Variants in GALNT13 observed in about 807,000 individuals in gnomAD.
The protein encoded by GALNT13 is polypeptide N-acetylgalactosaminyltransferase 13, also known as UDP-GalNAc:polypeptide N-acetylgalactosaminyltransferase 13.
In GALNT13, 28 loss-of-function variants were observed where a neutral mutation model predicts 64.2. That is an observed-to-expected ratio of 0.44 (90% CI 0.32 to 0.60). The LOEUF is 0.60. Ranked by LOEUF, GALNT13 falls within the 20% of genes least tolerant of loss-of-function variation. GALNT13 has a pLI of 0.05. For missense variants in GALNT13, 577 were observed against 669.8 expected (o/e 0.86, Z 1.53); for synonymous variants, 214 against 224.6 (o/e 0.95, Z 0.42).
At chr2:153,165,938 G>C in the GALNT13 span, among the ~76,000 whole-genome samples, 2 of 152,018 alleles carry the variant, frequency 1.3e-5, no homozygotes, top group Non-Finnish European at 2.9e-5. Flanking sequence ...AAATATAATG[G>C]GATTAAAATA....
At chr2:154,420,193 C>T (rs1192266495) in intron 11 of GALNT13, among the ~76,000 whole-genome samples, 1 of 152,000 alleles carries the variant, frequency 6.6e-6, no homozygotes, top group African/African-American at 2.4e-5. Flanking sequence ...ACTTTTCTTA[C>T]TGAAAATGGG....
intron 3 of GALNT13, among the ~76,000 whole-genome samples, chr2:154,072,070 T>C (rs1179540286): frequency 6.6e-6 from 1 of 152,134 alleles, no homozygotes; most frequent in Non-Finnish European, 1.5e-5. Context: ...TATATGAAGT[T>C]GCTTCGTAAA....
At chr2:153,977,638 T>C (rs1694170670) in intron 3 of GALNT13, among the ~76,000 whole-genome samples, 1 of 152,170 alleles carries the variant, frequency 6.6e-6, no homozygotes, top group Non-Finnish European at 1.5e-5. Context: ...AGCCAAACCA[T>C]ATCACTATTT....
intron 3 of GALNT13, among the ~76,000 whole-genome samples, chr2:154,014,361 T>G (rs1206814134): frequency 6.6e-6 from 1 of 152,018 alleles, no homozygotes; most frequent in Non-Finnish European, 1.5e-5. Context: ...CATCACCTGT[T>G]AAACTCACCC....
chr2:153,486,365 A>G, the GALNT13 span, among the ~76,000 whole-genome samples: 1 of 152,182 alleles, frequency 6.6e-6, no homozygotes, highest in Non-Finnish European at 1.5e-5. Context: ...ATAAGGGTAG[A>G]TCAGAGGAAA....
intron 4 of GALNT13, among the ~76,000 whole-genome samples, chr2:154,228,157 T>TTTTTATATTTTATATA (rs1688725963): frequency 6.6e-6 from 1 of 152,056 alleles, no homozygotes; most frequent in Non-Finnish European, 1.5e-5. Flanking sequence ...CCAAGAACAG[T>TTTTTATATTTTATATA]TTTTATATTT....
the GALNT13 span, among the ~76,000 whole-genome samples, chr2:153,699,098 CCTGTTCACAG>C: frequency 6.6e-6 from 1 of 152,016 alleles, no homozygotes; most frequent in Non-Finnish European, 1.5e-5. Flanking sequence ...GAGGTGTGTG[CCTGTTCACAG>C]CTACTCGGGA....
At chr2:153,780,242 T>TATATATATATATATGC in the GALNT13 span, among the ~76,000 whole-genome samples, 1 of 78,506 alleles carries the variant, frequency 1.3e-5, no homozygotes, top group African/African-American at 4.7e-5. Flanking sequence ...TATATATATA[T>TATATATATATATATGC]ATATATATAT....
the GALNT13 span, among the ~76,000 whole-genome samples, chr2:153,766,216 C>A: frequency 6.6e-6 from 1 of 151,976 alleles, no homozygotes; most frequent in African/African-American, 2.4e-5. Flanking sequence ...TTCTGCTGAA[C>A]CATTCTCTTA....
intron 4 of GALNT13, among the ~76,000 whole-genome samples, chr2:154,145,194 G>A (rs1683522647): frequency 6.7e-6 from 1 of 148,860 alleles, no homozygotes; most frequent in Non-Finnish European, 1.5e-5. Context: ...TTAGACAGCT[G>A]TAACCAGCCC....
the GALNT13 span, among the ~76,000 whole-genome samples, chr2:153,762,902 T>G: frequency 6.6e-6 from 1 of 151,904 alleles, no homozygotes; most frequent in African/African-American, 2.4e-5. Flanking sequence ...TTTAAAAATC[T>G]AGTACAGATA....
At chr2:153,781,173 T>G in the GALNT13 span, among the ~76,000 whole-genome samples, 1 of 152,300 alleles carries the variant, frequency 6.6e-6, no homozygotes, top group South Asian at 2.1e-4. Context: ...GAATTGAAGT[T>G]TTGTTGCAGA....
intron 3 of GALNT13, among the ~76,000 whole-genome samples, chr2:154,132,328 A>C (rs1682666008): frequency 1.3e-5 from 1 of 76,312 alleles, no homozygotes; most frequent in Admixed American, 1.1e-4. Context: ...ATATATGCAT[A>C]TACTTCATTT....
chr2:153,634,660 T>A, the GALNT13 span, among the ~76,000 whole-genome samples: 1 of 151,084 alleles, frequency 6.6e-6, no homozygotes. Context: ...AAGCGATTCT[T>A]CTGCCTCAGC....
chr2:153,349,377 C>T, the GALNT13 span, among the ~76,000 whole-genome samples: 1 of 152,044 alleles, frequency 6.6e-6, no homozygotes, highest in Non-Finnish European at 1.5e-5. Flanking sequence ...TTTTTTCTAT[C>T]CTACAGTGCC....
chr2:154,387,393 TAAATC>T (rs1266744990), intron 9 of GALNT13, among the ~76,000 whole-genome samples: 1 of 152,112 alleles, frequency 6.6e-6, no homozygotes, highest in Non-Finnish European at 1.5e-5. Flanking sequence ...ATGGAATAAA[TAAATC>T]AAGCTAATTA....
At chr2:153,667,075 GA>G in the GALNT13 span, among the ~76,000 whole-genome samples, 2 of 151,392 alleles carry the variant, frequency 1.3e-5, no homozygotes, top group African/African-American at 4.9e-5. Context: ...ACTTCAGTCA[GA>G]AAAAAATAAA....
chr2:153,266,282 A>C, the GALNT13 span, among the ~76,000 whole-genome samples: 2 of 152,214 alleles, frequency 1.3e-5, no homozygotes, highest in Non-Finnish European at 2.9e-5. Flanking sequence ...CTCAACTGGA[A>C]TATTTATTCG....
At chr2:153,269,407 T>C in the GALNT13 span, among the ~76,000 whole-genome samples, 2 of 152,112 alleles carry the variant, frequency 1.3e-5, no homozygotes, top group Admixed American at 1.3e-4. Context: ...TTTACTCCAG[T>C]TCCCAATAAA....
Sources: allele counts gnomAD v4.1 joint callset (sites outside exome capture counted in the v4.1 genomes callset), GRCh38; gene constraint gnomAD v4.1.1; transcripts MANE v1.5; gene names NCBI Gene and HGNC (gene_info 2026-07-23, HGNC 2026-07-21).